Variants in BMP6 observed in about 807,000 individuals in gnomAD.
BMP6 encodes bone morphogenetic protein 6.
A neutral mutation model predicts 54.1 loss-of-function variants in BMP6; 17 were observed. That is an observed-to-expected ratio of 0.31 (90% CI 0.22 to 0.47). BMP6 has a LOEUF of 0.47. Among genes scored for constraint, BMP6 ranks in the 20% least tolerant of loss-of-function variants. The pLI, the probability that BMP6 is intolerant of heterozygous loss-of-function variation, is 1.00. For synonymous variants in BMP6, 328 were observed against 291.2 expected (o/e 1.13, Z -1.28); for missense variants, 720 against 690.4 (o/e 1.04, Z -0.48).
intron 1 of BMP6, among the ~76,000 whole-genome samples, chr6:7,800,079 GGTGT>G (rs72469855): frequency 0.22 from 32,474 of 144,840 alleles, 3,556 homozygotes; most frequent in Non-Finnish European, 0.24. Context: ...TAAAGGAAGG[GGTGT>G]GTGTGTGTGT....
intron 1 of BMP6, among the ~76,000 whole-genome samples, chr6:7,828,404 C>A (rs1286757342): frequency 6.6e-6 from 1 of 152,186 alleles, no homozygotes; most frequent in African/African-American, 2.4e-5. Flanking sequence ...TGTTCGTGCA[C>A]CCTGCGGTGG....
chr6:7,732,636 A>G (rs2113104531), intron 1 of BMP6, among the ~76,000 whole-genome samples: 1 of 152,322 alleles, frequency 6.6e-6, no homozygotes, highest in East Asian at 1.9e-4. Flanking sequence ...TTTCAAATTG[A>G]TATTTTACTT....
At chr6:7,872,679 A>G (rs1009186604) in intron 4 of BMP6, among the ~76,000 whole-genome samples, 1 of 152,194 alleles carries the variant, frequency 6.6e-6, no homozygotes, top group South Asian at 2.1e-4. Context: ...CCCTTTGACT[A>G]TGTCATCTTG....
At chr6:7,844,651 C>CT (rs1191577739) in intron 1 of BMP6, among the ~76,000 whole-genome samples, 1 of 152,164 alleles carries the variant, frequency 6.6e-6, no homozygotes, top group Non-Finnish European at 1.5e-5. Context: ...CAGCTCAGGG[C>CT]TGCCCTTGGT....
At position 7,727,378 on chromosome 6, in the gene BMP6, C is replaced by T. The variant is rs773167142; in HGVS notation, c.423C>T (p.Asn141=). ...SAPLFMLDLY[N]ALSADNDEDG... is the part of the protein sequence containing the mutation. The stretch of plus-strand genomic sequence containing the variant: ...CCCTCTTCATGCTGGATCTGTACAA[C>T]GCCCTGTCCGCCGACAACGACGAGG... The change falls in exon 1 of 7, where the codon AAC becomes AAT. Residue 141 remains asparagine, a synonymous_variant. Coordinates refer to ENST00000283147, the MANE Select transcript of BMP6 (RefSeq NM_001718.6). 5.0e-6 allele frequency: 8 copies of T among 1,608,736 alleles called. No homozygotes were observed. Among genetic ancestry groups the T allele is most frequent in the African/African-American group, 1.3e-5 (1 of 74,734 alleles).
At chr6:7,877,403 C>T (rs1026833589) in intron 4 of BMP6, among the ~76,000 whole-genome samples, 21 of 152,272 alleles carry the variant, frequency 1.4e-4, no homozygotes, top group Non-Finnish European at 1.0e-4. Flanking sequence ...GGGCAGATCA[C>T]TTAAGGTCAG....
At position 7,796,597 on chromosome 6, in the gene BMP6, C is replaced by G. The variant is rs36070528; in HGVS notation, c.665-48543C>G. ...ATGGACATTCTAATTAGAAAAAAAC[C>G]ATCCGTATGCCCTAAACCTTACCTC... is the stretch of plus-strand genomic sequence containing the variant. On this transcript the variant is annotated intron_variant, in intron 1 of 6. Coordinates refer to ENST00000283147, the MANE Select transcript of BMP6 (RefSeq NM_001718.6). 8.4e-3 allele frequency among the ~76,000 whole-genome samples: 1,279 copies of G among 152,146 alleles called. 5 individuals carry two copies. The highest frequency in any genetic ancestry group is 0.024 in the Middle Eastern group (7 of 294).
rs147468666 is a variant in BMP6, at chr6:7,815,648, A to G, written c.665-29492A>G. ...TGATCATAGAAGGATCACACAGTTGAATTACAAATTCAAAAAGTTTTAAAT... is the reference window on the plus strand; with the variant it reads ...TGATCATAGAAGGATCACACAGTTGGATTACAAATTCAAAAAGTTTTAAAT... On this transcript the variant is annotated intron_variant, in intron 1 of 6. Coordinates refer to ENST00000283147, the MANE Select transcript of BMP6 (RefSeq NM_001718.6). 1.2e-4 allele frequency among the ~76,000 whole-genome samples: 18 copies of G among 152,366 alleles called. No homozygotes were observed. In the East Asian group the frequency reaches 3.3e-3, roughly 28 times the overall value.
intron 1 of BMP6, among the ~76,000 whole-genome samples, chr6:7,752,562 T>G (rs1757442677): frequency 6.7e-6 from 1 of 149,744 alleles, no homozygotes; most frequent in Non-Finnish European, 1.5e-5. Context: ...AACATAGGTT[T>G]TTTTTTTTTT....
chr6:7,801,087 G>A (rs978912744), intron 1 of BMP6, among the ~76,000 whole-genome samples: 11 of 152,276 alleles, frequency 7.2e-5, no homozygotes, highest in African/African-American at 2.4e-4. Context: ...ATGTAGTAAC[G>A]AAGGCAAAAA....
chr6:7,825,895 A>G (rs1758689986), intron 1 of BMP6, among the ~76,000 whole-genome samples: 2 of 152,152 alleles, frequency 1.3e-5, no homozygotes, highest in South Asian at 2.1e-4. Context: ...CTTCTTCCCT[A>G]TCGGCATTTT....
rs183153909 is a variant in BMP6 at position 7,859,276 on chromosome 6, A to G, written c.858-2175A>G. Among the ~76,000 whole-genome samples, 5 of 152,020 alleles carry G rather than the reference A, an allele frequency of 3.3e-5. No homozygotes were observed. In the East Asian group the frequency reaches 9.7e-4, roughly 30 times the overall value. On this transcript the variant is annotated intron_variant, in intron 2 of 6. Coordinates refer to ENST00000283147, the MANE Select transcript of BMP6 (RefSeq NM_001718.6). ...TTCTTTATCACAGACCCTGATCTTT[A>G]AAAATAAAAGCTCATTCTGCCAGCT...
At chr6:7,871,328 G>A (rs1023615897) in intron 4 of BMP6, among the ~76,000 whole-genome samples, 5 of 152,220 alleles carry the variant, frequency 3.3e-5, no homozygotes, top group African/African-American at 2.4e-5. Flanking sequence ...TGAAAGCCGC[G>A]CTGCTAAAGG....
At chr6:7,838,241 A>G in intron 1 of BMP6, among the ~76,000 whole-genome samples, 1 of 152,146 alleles carries the variant, frequency 6.6e-6, no homozygotes, top group East Asian at 1.9e-4. Flanking sequence ...TACTATGCCT[A>G]ATTTATAAAT....
intron 2 of BMP6, among the ~76,000 whole-genome samples, chr6:7,851,295 G>A (rs1209375626): frequency 2.0e-5 from 3 of 152,136 alleles, no homozygotes; most frequent in Non-Finnish European, 4.4e-5. Context: ...CAGTAATATA[G>A]TTTTTTGTAT....
intron 1 of BMP6, among the ~76,000 whole-genome samples, chr6:7,794,941 C>G (rs542062165): frequency 6.6e-6 from 1 of 152,282 alleles, no homozygotes; most frequent in South Asian, 2.1e-4. Flanking sequence ...GAAAGGCTCT[C>G]CCTATTCTAT....
rs1188275118 is a variant in BMP6 at position 7,789,700 on chromosome 6, G to A, written c.665-55440G>A. 2.6e-5 allele frequency among the ~76,000 whole-genome samples: 4 copies of A among 152,036 alleles called. 1 individual carries two copies. Among genetic ancestry groups the A allele is most frequent in the Admixed American group, 2.0e-4 (3 of 15,258 alleles). On this transcript the variant is annotated intron_variant, in intron 1 of 6. Coordinates refer to ENST00000283147, the MANE Select transcript of BMP6 (RefSeq NM_001718.6). ...GACGGCTTCCTTTCTGGAAGTACTC[G>A]GGGCTGGTTAGTAATTATTTCCCAG...
At chr6:7,741,599 T>C (rs2113117533) in intron 1 of BMP6, among the ~76,000 whole-genome samples, 1 of 148,826 alleles carries the variant, frequency 6.7e-6, no homozygotes, top group East Asian at 2.0e-4. Context: ...GCCTGGCTAG[T>C]TGTTTTAATT....
intron 1 of BMP6, among the ~76,000 whole-genome samples, chr6:7,741,782 G>A (rs1369433919): frequency 2.8e-4 from 42 of 152,240 alleles, no homozygotes. Flanking sequence ...AGCTGCATGA[G>A]GCTTCAACGA....
Sources: gnomAD v4.1 joint callset for allele counts (sites outside exome capture counted in the v4.1 genomes callset) on GRCh38, gnomAD v4.1.1 for gene constraint, MANE v1.5 for transcripts, NCBI Gene and HGNC (gene_info 2026-07-23, HGNC 2026-07-21) for gene names.